The following C19orf44 variants were observed in gnomAD, a reference collection of about 807,000 sequenced individuals.
The protein encoded by C19orf44 is chromosome 19 open reading frame 44, also known as uncharacterized protein C19orf44.
C19orf44 carries 43 observed loss-of-function variants against 50.7 expected under a neutral mutation model. The observed-to-expected ratio is 0.85, with a 90% CI of 0.66 to 1.09. The LOEUF is 1.09. C19orf44 is among the 50% of genes least tolerant of loss of function. C19orf44 has a pLI of 0.00. For synonymous variants in C19orf44, 298 were observed against 334.7 expected, an observed-to-expected ratio of 0.89 and a Z score of 1.20; for missense variants, 722 against 836.2, an observed-to-expected ratio of 0.86 and a Z score of 1.68.
In C19orf44 at chr19:16,520,466, C is replaced by T. The variant is rs199601560; in HGVS notation, c.*413C>T. 62 of 1,613,952 alleles carry T rather than the reference C, an allele frequency of 3.8e-5. No homozygotes were observed. The highest frequency in any genetic ancestry group is 1.6e-4 in the Middle Eastern group (1 of 6,084). ...TCTTGAGTTGGAGCGGGAGGAAGAA[C>T]GCCCTCGACTCTTGGATCTGCTCCG... On this transcript the variant is annotated 3_prime_UTR_variant, in exon 9 of 9. Transcript: ENST00000221671. The surrounding 1 kb of genome is among the most constrained non-coding windows in gnomAD (Gnocchi z 4.0).
rs1317776384 is a variant in C19orf44, at chr19:16,521,000, C to T, written c.*947C>T. On this transcript the variant is annotated 3_prime_UTR_variant, in exon 9 of 9. Coordinates refer to ENST00000221671, the MANE Select transcript of C19orf44 (RefSeq NM_032207.4). The surrounding 1 kb of genome is among the most constrained non-coding windows in gnomAD (Gnocchi z 4.0). ...AGTCATCAGGAGTTAATCCACAGAACCTTGGAGAGTACATGGCCCTGTGGC... is the reference window on the plus strand; with the variant it reads ...AGTCATCAGGAGTTAATCCACAGAATCTTGGAGAGTACATGGCCCTGTGGC... 1.7e-6 allele frequency: 2 copies of T among 1,148,464 alleles called. No homozygotes were observed. The highest frequency in any genetic ancestry group is 1.5e-5 in the African/African-American group (1 of 65,976). The allele number at this position is 1,148,464 out of a possible 1,614,324, so 71.1% of individuals were successfully genotyped here.
chr19:16,507,010 C>T (rs1018056671), intron 4 of C19orf44, among the ~76,000 whole-genome samples: 1 of 152,082 alleles, frequency 6.6e-6, no homozygotes, highest in Non-Finnish European at 1.5e-5. Flanking sequence ...AGTAATGTTT[C>T]ATTTAGGCCT....
In C19orf44 at chr19:16,511,165, T is replaced by C. The variant is rs569991246; in HGVS notation, c.1639+1177T>C. Among the ~76,000 whole-genome samples the C allele has an allele frequency of 3.3e-5, 5 of 152,132 alleles. No individual in the cohort carries two copies. In the South Asian group the frequency reaches 1.0e-3, roughly 32 times the overall value. On this transcript the variant is annotated intron_variant, in intron 5 of 8. Coordinates refer to ENST00000221671, the MANE Select transcript of C19orf44 (RefSeq NM_032207.4). ...GATTCTCCTGCCTCAGCCTCCTGAA[T>C]AGCTGGGATTACAGGTATGTGCCAC...
chr19:16,520,593 A>T lies in C19orf44; in HGVS notation c.*540A>T. On this transcript the variant is annotated 3_prime_UTR_variant, in exon 9 of 9. Coordinates refer to ENST00000221671, the MANE Select transcript of C19orf44 (RefSeq NM_032207.4). This position sits in a 1 kb window ranked among gnomAD's most constrained non-coding sequence, Gnocchi z 4.0. ...GGCCCTCAGGTTCCTAGACCACCCC[A>T]GATGCAGGGGCTCTGGCTGTGGATG... 5 of 1,456,530 alleles carry T rather than the reference A, an allele frequency of 3.4e-6. No homozygotes were observed. Among genetic ancestry groups the T allele is most frequent in the Non-Finnish European group, 4.7e-6 (5 of 1,065,248 alleles). 90.2% of individuals were successfully genotyped at this position (1,456,530 alleles called of 1,614,324 possible).
At chr19:16,497,174 C>T (rs1429561117) in intron 1 of C19orf44, among the ~76,000 whole-genome samples, 2 of 151,956 alleles carry the variant, frequency 1.3e-5, no homozygotes, top group African/African-American at 4.8e-5. Context: ...TCTCGAACTC[C>T]TGACCTCACG....
In C19orf44 at chr19:16,519,219, G is replaced by A. The variant is rs759185951; in HGVS notation, c.*41-875G>A. 1.1e-5 allele frequency: 17 copies of A among 1,614,054 alleles called. No homozygotes were observed. The highest frequency in any genetic ancestry group is 1.4e-5 in the Non-Finnish European group (17 of 1,180,026). On this transcript the variant is annotated intron_variant, in intron 8 of 8. Transcript: ENST00000221671. The surrounding 1 kb of genome is among the most constrained non-coding windows in gnomAD (Gnocchi z 6.0). ...TGAAGGAGTAGCTCTTGTTCCTGCG[G>A]TAGTTCTCATAGGGGTCATCCAGAG...
rs777173340 is a variant in C19orf44 at position 16,517,242 on chromosome 19, C to T, written c.1915C>T (p.His639Tyr). 1.2e-6 allele frequency: 2 copies of T among 1,614,102 alleles called. No individual in the cohort carries two copies. The highest frequency in any genetic ancestry group is 2.2e-5 in the South Asian group (2 of 91,072). Residue 639 changes from histidine (H) to tyrosine (Y), a missense_variant, in exon 8 of 9, where the codon CAC becomes TAC. Transcript: ENST00000221671. ...CTCTGCCTGACAGTACATTAGGTGC[C>T]ACAGACCTGCCCCACTGACCATGGA... ...LEEAKEYIRC[H>Y]RPAPLTMEDA...
intron 5 of C19orf44, 21 bp from the exon 6 acceptor site, chr19:16,512,993 C>T (rs1568498801): frequency 1.9e-6 from 3 of 1,608,410 alleles, no homozygotes; most frequent in South Asian, 1.1e-5. Context: ...CTGCTTACCC[C>T]TCTCTTTGTC....
chr19:16,511,415 A>G (rs1168295184), intron 5 of C19orf44, among the ~76,000 whole-genome samples: 1 of 151,982 alleles, frequency 6.6e-6, no homozygotes, highest in African/African-American at 2.4e-5. Context: ...CCTGGGCTCA[A>G]GTGATCCTTC....
At chr19:16,499,820 C>G (rs535233537) in intron 1 of C19orf44, among the ~76,000 whole-genome samples, 2 of 150,826 alleles carry the variant, frequency 1.3e-5, no homozygotes, top group African/African-American at 4.9e-5. Flanking sequence ...GACAGAGTCT[C>G]GCTCTGTCGT....
Position 16,514,655 on chromosome 19 carries a change from G to A in C19orf44, c.1894G>A (p.Ala632Thr). The A allele has an allele frequency of 6.4e-7, 1 of 1,573,478 alleles. No homozygotes were observed. ...CTTCCACTACCACACCCTGGAGGAA[G>A]CCAAAGAGGTGAGCGCAGCTCCCCA... ...DSFHYHTLEE[A>T]KEYIRCHRPA... The change falls in exon 7 of 9, where the codon GCC becomes ACC. Residue 632 changes from alanine (A) to threonine (T), a missense_variant. Ala to Thr is a moderately conservative substitution (Grantham distance 58, BLOSUM62 0). Transcript: ENST00000221671.
chr19:16,521,036 G>T lies in C19orf44; in HGVS notation c.*983G>T. 1.2e-6 allele frequency: 1 copy of T among 805,670 alleles called. No individual in the cohort carries two copies. Among genetic ancestry groups the T allele is most frequent in the Non-Finnish European group, 2.1e-6 (1 of 475,104 alleles). The allele number at this position is 805,670 out of a possible 1,614,324, so 49.9% of individuals were successfully genotyped here. A position where few individuals can be genotyped will look rare whatever the true frequency, so the allele number is the denominator to read the frequency against. On this transcript the variant is annotated 3_prime_UTR_variant, in exon 9 of 9. Coordinates refer to ENST00000221671, the MANE Select transcript of C19orf44 (RefSeq NM_032207.4). ...ACATGGCCCTGTGGCTGTGGGCTCC[G>T]AGCATGGGCGCAGTAGAGCTTGGTT...
At position 16,496,453 on chromosome 19, in the gene C19orf44, G is replaced by T; in HGVS notation, c.-14G>T. On this transcript the variant is annotated 5_prime_UTR_variant, in exon 1 of 9. Transcript: ENST00000221671. ...GTGGCGGCTGCCTCTGCGAATGGACGGCGTGGGAAGAGGTCGGCAGGGCTG... is the reference window on the plus strand; with the variant it reads ...GTGGCGGCTGCCTCTGCGAATGGACTGCGTGGGAAGAGGTCGGCAGGGCTG... 1 of 359,716 alleles carries T rather than the reference G, an allele frequency of 2.8e-6. No homozygotes were observed. Among genetic ancestry groups the T allele is most frequent in the Non-Finnish European group, 5.3e-6 (1 of 188,764 alleles). 22.3% of individuals were successfully genotyped at this position (359,716 alleles called of 1,614,324 possible). A position where few individuals can be genotyped will look rare whatever the true frequency, so the allele number is the denominator to read the frequency against.
chr19:16,520,667 G>T lies in C19orf44; in HGVS notation c.*614G>T, dbSNP rs148484490. 4.4e-6 allele frequency: 5 copies of T among 1,136,670 alleles called. No individual in the cohort carries two copies. Among genetic ancestry groups the T allele is most frequent in the Non-Finnish European group, 6.4e-6 (5 of 777,898 alleles). 70.4% of individuals were successfully genotyped at this position (1,136,670 alleles called of 1,614,324 possible). ...TACCAAGTTCCTAAATAGTGTGGCCGAGCCTGCTGCTGTGTGAATTCAGGC... is the reference window on the plus strand; with the variant it reads ...TACCAAGTTCCTAAATAGTGTGGCCTAGCCTGCTGCTGTGTGAATTCAGGC... On this transcript the variant is annotated 3_prime_UTR_variant, in exon 9 of 9. Transcript: ENST00000221671. This position sits in a 1 kb window ranked among gnomAD's most constrained non-coding sequence, Gnocchi z 4.0.
intron 7 of C19orf44, among the ~76,000 whole-genome samples, 199 bp downstream of exon 7, chr19:16,514,862 G>C (rs934334673): frequency 5.9e-5 from 9 of 152,198 alleles, no homozygotes; most frequent in African/African-American, 2.2e-4. Flanking sequence ...TACAGGGTGG[G>C]GTGCTGAGCT....
Position 16,503,279 on chromosome 19 carries a change from C to A in C19orf44, c.974C>A (p.Ser325Tyr), listed in dbSNP as rs1568493370. The stretch of plus-strand genomic sequence containing the variant: ...ACAGGCGCCTTTTCAAACTCAGTGT[C>A]TTTAAAGATGGGGCATGTCAAGCTT... ...SITGAFSNSV[S>Y]LKMGHVKLVS... Residue 325 changes from serine to tyrosine, a missense_variant, in exon 3 of 9, where the codon TCT becomes TAT. Physicochemically the swap from Ser to Tyr is moderately radical, Grantham distance 144. Transcript: ENST00000221671. 6.2e-7 allele frequency: 1 copy of A among 1,614,162 alleles called. No individual in the cohort carries two copies. Among genetic ancestry groups the A allele is most frequent in the Admixed American group, 1.7e-5 (1 of 60,000 alleles).
At chr19:16,510,121 G>T (rs918790082) in intron 5 of C19orf44, 133 bp downstream of exon 5, 16 of 1,413,106 alleles carry the variant, frequency 1.1e-5, no homozygotes, top group Non-Finnish European at 1.4e-5. Context: ...CACCTGGAGG[G>T]GTTGGCCAAG....
Position 16,501,000 on chromosome 19 carries a change from C to A in C19orf44, c.208C>A (p.Leu70Ile), listed in dbSNP as rs200767565. Reference sequence around the variant, plus strand: ...CTTACTCCTGAAAGAGAACCCTGTGCTCGGGAGTGGACCCAGGCTTGCCTC... The same window carrying A: ...CTTACTCCTGAAAGAGAACCCTGTGATCGGGAGTGGACCCAGGCTTGCCTC... ...KHLLLKENPVLGSGPRLASCR... is the reference protein window; with the variant it reads ...KHLLLKENPVIGSGPRLASCR... The change falls in exon 2 of 9, where the codon CTC becomes ATC. Residue 70 changes from leucine to isoleucine, a missense_variant. Leu to Ile is a conservative substitution (Grantham distance 5). Coordinates refer to ENST00000221671, the MANE Select transcript of C19orf44 (RefSeq NM_032207.4). The A allele has an allele frequency of 1.2e-5, 19 of 1,613,886 alleles. No individual in the cohort carries two copies. In the Admixed American group the frequency reaches 2.7e-4, roughly 23 times the overall value.
In C19orf44 at chr19:16,520,988, T is replaced by A. The variant is rs16981292; in HGVS notation, c.*935T>A. On this transcript the variant is annotated 3_prime_UTR_variant, in exon 9 of 9. Transcript: ENST00000221671. The surrounding 1 kb of genome is among the most constrained non-coding windows in gnomAD (Gnocchi z 4.0). ...AAGTCGTGAAAAAGTCATCAGGAGT[T>A]AATCCACAGAACCTTGGAGAGTACA... 1.5e-3 allele frequency: 1,950 copies of A among 1,260,492 alleles called. 26 individuals are homozygous for A. The African/African-American group carries it at 0.026, about 17-fold the overall frequency. The allele number at this position is 1,260,492 out of a possible 1,614,324, so 78.1% of individuals were successfully genotyped here.
Sources: allele counts gnomAD v4.1 joint callset (sites outside exome capture counted in the v4.1 genomes callset), GRCh38; gene constraint gnomAD v4.1.1; non-coding constraint Gnocchi (gnomAD v3.1); transcripts MANE v1.5; gene names NCBI Gene and HGNC (gene_info 2026-07-23, HGNC 2026-07-21).